The following NRG3 variants were observed in gnomAD, a reference collection of about 807,000 sequenced individuals.
NRG3 encodes the protein pro-neuregulin-3, membrane-bound isoform.
In NRG3, 31 loss-of-function variants were observed where a neutral mutation model predicts 66.9. The observed-to-expected ratio is 0.46, with a 90% CI of 0.35 to 0.63. NRG3 has a LOEUF of 0.63. Among genes scored for constraint, NRG3 ranks in the 20% least tolerant of loss-of-function variants. NRG3 has a pLI of 0.00. For missense variants in NRG3, 910 were observed against 878.9 expected, an observed-to-expected ratio of 1.04 and a Z score of -0.45; for synonymous variants, 393 against 359.4, an observed-to-expected ratio of 1.09 and a Z score of -1.06.
At chr10:82,971,198 C>A (rs1216218925) in intron 6 of NRG3, among the ~76,000 whole-genome samples, 1 of 152,122 alleles carries the variant, frequency 6.6e-6, no homozygotes, top group Non-Finnish European at 1.5e-5. Context: ...CCCCATGACC[C>A]AGACACCTCC....
At chr10:82,426,593 A>G (rs1465342168) in intron 2 of NRG3, among the ~76,000 whole-genome samples, 1 of 136,012 alleles carries the variant, frequency 7.4e-6, no homozygotes, top group Non-Finnish European at 1.6e-5. Flanking sequence ...AAAGTCCTCA[A>G]TGGAATTATT....
intron 3 of NRG3, among the ~76,000 whole-genome samples, chr10:82,860,633 G>A (rs1389781495): frequency 1.3e-5 from 2 of 152,186 alleles, no homozygotes; most frequent in African/African-American, 4.8e-5. Context: ...TAAGTGCTCA[G>A]TAAATGTTAC....
chr10:82,122,232 G>A (rs2068135288), intron 1 of NRG3, among the ~76,000 whole-genome samples: 1 of 152,076 alleles, frequency 6.6e-6, no homozygotes, highest in Non-Finnish European at 1.5e-5. Context: ...GGTCCTCTGT[G>A]GTTCTTATAC....
chr10:82,318,220 G>A (rs2081391005), intron 1 of NRG3, among the ~76,000 whole-genome samples: 1 of 152,158 alleles, frequency 6.6e-6, no homozygotes, highest in Non-Finnish European at 1.5e-5. Flanking sequence ...AGGGGGGCAT[G>A]TAGCTTTCAT....
intron 2 of NRG3, among the ~76,000 whole-genome samples, chr10:82,700,409 G>A (rs1180748790): frequency 6.6e-6 from 1 of 152,160 alleles, no homozygotes; most frequent in African/African-American, 2.4e-5. Flanking sequence ...TTCCCCATGG[G>A]AGGGATGTCT....
intron 1 of NRG3, among the ~76,000 whole-genome samples, chr10:82,133,648 ATAT>A (rs1289530812): frequency 1.3e-5 from 2 of 151,986 alleles, no homozygotes; most frequent in African/African-American, 4.8e-5. Flanking sequence ...CGTTTTCTTT[ATAT>A]TGTCTATCAT....
Position 82,368,063 on chromosome 10 carries a change from C to CCCA in NRG3, c.953+9195_953+9196insCCA, listed in dbSNP as rs1554897750. On this transcript the variant is annotated intron_variant, in intron 2 of 8. Coordinates refer to ENST00000372141, the MANE Select transcript of NRG3 (RefSeq NM_001010848.4). ...AACATATTCTCTGTGATTCAGTTTT[C>CCCA]TTATCTGTGAAGTGGGAAAAACAAT... 1.5e-3 allele frequency among the ~76,000 whole-genome samples: 218 copies of CCCA among 142,706 alleles called. 6 individuals are homozygous for CCCA. Among genetic ancestry groups the CCCA allele is most frequent in the Middle Eastern group, 7.0e-3 (2 of 284 alleles). 93.6% of individuals were successfully genotyped at this position (142,706 alleles called of 152,430 possible).
At chr10:81,955,312 A>C (rs944032844) in intron 1 of NRG3, among the ~76,000 whole-genome samples, 2 of 151,944 alleles carry the variant, frequency 1.3e-5, no homozygotes, top group African/African-American at 2.4e-5. Flanking sequence ...TTGAAATCTG[A>C]GGGCTGGAAG....
chr10:82,912,954 G>C (rs563048017), intron 4 of NRG3, among the ~76,000 whole-genome samples: 1 of 152,238 alleles, frequency 6.6e-6, no homozygotes, highest in African/African-American at 2.4e-5. Flanking sequence ...GGCCGGGTGC[G>C]GTGGCTCACA....
At chr10:82,670,666 A>C (rs2053197169) in intron 2 of NRG3, among the ~76,000 whole-genome samples, 3 of 152,128 alleles carry the variant, frequency 2.0e-5, no homozygotes, top group Admixed American at 6.5e-5. Context: ...GGACTCACAA[A>C]ACAGGTATCT....
chr10:81,912,297 C>T (rs1193865223), intron 1 of NRG3, among the ~76,000 whole-genome samples: 2 of 152,128 alleles, frequency 1.3e-5, no homozygotes, highest in African/African-American at 2.4e-5. Context: ...TCATAGCTCA[C>T]CGTAGCCTGA....
intron 2 of NRG3, among the ~76,000 whole-genome samples, chr10:82,669,946 C>T (rs1175930105): frequency 1.3e-5 from 2 of 150,648 alleles, no homozygotes; most frequent in Admixed American, 1.3e-4. Context: ...AAAAAGAAAA[C>T]AAAAAAGCTG....
intron 1 of NRG3, among the ~76,000 whole-genome samples, chr10:82,135,566 C>T (rs2069276833): frequency 6.7e-6 from 1 of 150,342 alleles, no homozygotes; most frequent in African/African-American, 2.5e-5. Flanking sequence ...TTGTAATAGC[C>T]TGTCTTCAGG....
intron 1 of NRG3, among the ~76,000 whole-genome samples, chr10:81,925,142 T>C (rs1043237546): frequency 6.6e-6 from 1 of 152,188 alleles, no homozygotes; most frequent in African/African-American, 2.4e-5. Context: ...CCACCAATTA[T>C]ACTGGCAGAC....
At chr10:82,764,408 C>T (rs774293647) in intron 3 of NRG3, among the ~76,000 whole-genome samples, 5 of 148,334 alleles carry the variant, frequency 3.4e-5, no homozygotes, top group African/African-American at 1.0e-4. Context: ...GACTTAGTCT[C>T]GCTCTGTCGC....
intron 1 of NRG3, among the ~76,000 whole-genome samples, chr10:81,973,023 A>G (rs1195353503): frequency 1.3e-5 from 2 of 152,248 alleles, no homozygotes; most frequent in East Asian, 3.9e-4. Context: ...ACCCCCAGGT[A>G]TTAAGCGTAG....
intron 1 of NRG3, among the ~76,000 whole-genome samples, chr10:82,332,517 C>G (rs1162415944): frequency 3.3e-5 from 5 of 152,176 alleles, no homozygotes; most frequent in Admixed American, 3.3e-4. Context: ...TTGCAACACC[C>G]ATGATCAGCC....
chr10:81,913,908 T>TA (rs1661608123), intron 1 of NRG3, among the ~76,000 whole-genome samples: 1 of 152,210 alleles, frequency 6.6e-6, no homozygotes, highest in African/African-American at 2.4e-5. Context: ...TTTCAGCTTT[T>TA]AAAAAGGAGG....
At position 81,901,658 on chromosome 10, in the gene NRG3, A is replaced by G. The variant is rs114691813; in HGVS notation, c.823+25495A>G. On this transcript the variant is annotated intron_variant, in intron 1 of 8. Transcript: ENST00000372141. Reference sequence around the variant, plus strand: ...ATTCCAGCCTAGGCAACAGAGCAAGACTCCATCTCTAAAAAAGAAAAGTAA... The same window carrying G: ...ATTCCAGCCTAGGCAACAGAGCAAGGCTCCATCTCTAAAAAAGAAAAGTAA... Among the ~76,000 whole-genome samples, 1,148 of 152,220 alleles carry G rather than the reference A, an allele frequency of 7.5e-3. 11 individuals are homozygous for G. Among genetic ancestry groups the G allele is most frequent in the African/African-American group, 0.021 (875 of 41,514 alleles).
Sources: allele counts gnomAD v4.1 joint callset (sites outside exome capture counted in the v4.1 genomes callset), GRCh38; gene constraint gnomAD v4.1.1; transcripts MANE v1.5; gene names NCBI Gene and HGNC (gene_info 2026-07-23, HGNC 2026-07-21).